The following PIEZO2 variants were observed in gnomAD, a reference collection of about 807,000 sequenced individuals.
The protein encoded by PIEZO2 is piezo type mechanosensitive ion channel component 2.
A neutral mutation model predicts 337.3 loss-of-function variants in PIEZO2; 172 were observed. That is an observed-to-expected ratio of 0.51 (90% CI 0.45 to 0.58). PIEZO2 has a LOEUF of 0.58. Ranked by LOEUF, PIEZO2 falls within the 20% of genes least tolerant of loss-of-function variation. The pLI is 0.00. For missense variants in PIEZO2, 3,028 were observed against 3,391.3 expected (o/e 0.89, Z 2.66); for synonymous variants, 1,251 against 1,228.5 (o/e 1.02, Z -0.38).
chr18:11,110,838 G>T lies in PIEZO2; in HGVS notation c.64+37687C>A, dbSNP rs774088556. On this transcript the variant is annotated intron_variant, in intron 1 of 55. Transcript: ENST00000674853. The surrounding 1 kb of genome is among the most constrained non-coding windows in gnomAD (Gnocchi z 4.2). Reference sequence around the variant, plus strand: ...CACAGTGTTTTAAACTTGAAGTATAGGATCAGGCTGGATTGTCTGTGGTCC... The same window carrying T: ...CACAGTGTTTTAAACTTGAAGTATATGATCAGGCTGGATTGTCTGTGGTCC... Among the ~76,000 whole-genome samples the T allele has an allele frequency of 1.3e-5, 2 of 152,088 alleles. No homozygotes were observed. The highest frequency in any genetic ancestry group is 1.9e-4 in the East Asian group (1 of 5,180).
chr18:10,891,160 T>C (rs1289131580), intron 4 of PIEZO2, among the ~76,000 whole-genome samples: 2 of 151,954 alleles, frequency 1.3e-5, no homozygotes, highest in Non-Finnish European at 2.9e-5. Context: ...CCTGTCTCTA[T>C]TAAAAATACA....
At chr18:10,874,788 G>C (rs76570156) in intron 4 of PIEZO2, among the ~76,000 whole-genome samples, 3,173 of 152,202 alleles carry the variant, frequency 0.021, 108 homozygotes, top group African/African-American at 0.072. Context: ...AGAATACAGA[G>C]AGGTGGTAAC....
Position 10,850,234 on chromosome 18 carries a change from G to C in PIEZO2, c.917+5119C>G, listed in dbSNP as rs144966027. 6.6e-6 allele frequency among the ~76,000 whole-genome samples: 1 copy of C among 152,302 alleles called. No homozygotes were observed. The highest frequency in any genetic ancestry group is 1.5e-5 in the Non-Finnish European group (1 of 68,038). ...CAGATGAAACTGGAAGGAAGCACGT[G>C]ATTTTTTGGGACCATGGGGTGAAAA... On this transcript the variant is annotated intron_variant, in intron 7 of 55. Transcript: ENST00000674853. This position sits in a 1 kb window ranked among gnomAD's most constrained non-coding sequence, Gnocchi z 4.5.
In PIEZO2 at chr18:10,903,105, C is replaced by G. The variant is rs1287315657; in HGVS notation, c.329+8081G>C. 6.6e-6 allele frequency among the ~76,000 whole-genome samples: 1 copy of G among 152,110 alleles called. No homozygotes were observed. The highest frequency in any genetic ancestry group is 1.5e-5 in the Non-Finnish European group (1 of 68,012). On this transcript the variant is annotated intron_variant, in intron 4 of 55. Transcript: ENST00000674853. This position sits in a 1 kb window ranked among gnomAD's most constrained non-coding sequence, Gnocchi z 4.1. ...GTACTCATTCCAGAATCCTTCCTCC[C>G]CTACACGCTGACAGTCAATTATTCA... is the stretch of plus-strand genomic sequence containing the variant.
In PIEZO2 at chr18:10,748,269, G is replaced by A. The variant is rs1366988063; in HGVS notation, c.4424+202C>T. Reference sequence around the variant, plus strand: ...CTTCCATGGCACCCCCATTCCTTGAGAAGTCTGATGGTTACATAGGCTTTC... The same window carrying A: ...CTTCCATGGCACCCCCATTCCTTGAAAAGTCTGATGGTTACATAGGCTTTC... On this transcript the variant is annotated intron_variant, in intron 30 of 55. Coordinates refer to ENST00000674853, the MANE Select transcript of PIEZO2 (RefSeq NM_001378183.1). This position sits in a 1 kb window ranked among gnomAD's most constrained non-coding sequence, Gnocchi z 5.1. Among the ~76,000 whole-genome samples the A allele has an allele frequency of 6.6e-6, 1 of 152,158 alleles. No homozygotes were observed. Among genetic ancestry groups the A allele is most frequent in the African/African-American group, 2.4e-5 (1 of 41,444 alleles).
Position 10,862,983 on chromosome 18 carries a change from C to A in PIEZO2, c.493-5772G>T, listed in dbSNP as rs2041915490. On this transcript the variant is annotated intron_variant, in intron 5 of 55. Transcript: ENST00000674853. This position sits in a 1 kb window ranked among gnomAD's most constrained non-coding sequence, Gnocchi z 4.4. Reference sequence around the variant, plus strand: ...GGACCTCAGAGCAGAGCTTTTCATGCAGCTGAATCCATTTTTTTCTCTTCT... The same window carrying A: ...GGACCTCAGAGCAGAGCTTTTCATGAAGCTGAATCCATTTTTTTCTCTTCT... 6.6e-6 allele frequency among the ~76,000 whole-genome samples: 1 copy of A among 152,160 alleles called. No homozygotes were observed. The highest frequency in any genetic ancestry group is 2.1e-4 in the South Asian group (1 of 4,828).
chr18:11,081,860 A>C (rs2038753453), intron 1 of PIEZO2, among the ~76,000 whole-genome samples: 1 of 151,712 alleles, frequency 6.6e-6, no homozygotes, highest in Non-Finnish European at 1.5e-5. Flanking sequence ...CCTAGGTTTA[A>C]GCGATTCTCC....
intron 40 of PIEZO2, among the ~76,000 whole-genome samples, chr18:10,706,708 G>A (rs1446926989): frequency 6.6e-6 from 1 of 152,168 alleles, no homozygotes; most frequent in Non-Finnish European, 1.5e-5. Flanking sequence ...GTTGGCCAAT[G>A]ACAAGAGGGC....
chr18:10,796,744 G>T (rs1842366769), intron 12 of PIEZO2, among the ~76,000 whole-genome samples: 1 of 152,308 alleles, frequency 6.6e-6, no homozygotes, highest in South Asian at 2.1e-4. Context: ...GCAGCACTTA[G>T]AGCCAGTGGG....
At chr18:10,807,361 T>G in intron 7 of PIEZO2, 87 bp from the exon 8 acceptor site, 1 of 1,233,330 alleles carries the variant, frequency 8.1e-7, no homozygotes, top group Non-Finnish European at 1.1e-6. Context: ...TTTTGATACA[T>G]TCGTGAGCTA....
In PIEZO2 at chr18:10,766,097, C is replaced by T. The variant is rs956135518; in HGVS notation, c.2947-2999G>A. On this transcript the variant is annotated intron_variant, in intron 21 of 55. Transcript: ENST00000674853. This position sits in a 1 kb window ranked among gnomAD's most constrained non-coding sequence, Gnocchi z 6.1. ...ATGAAGTATGATACTTCATTCCATA[C>T]AAATATCAAGCCCAGTGCAAACCTC... 5.9e-5 allele frequency among the ~76,000 whole-genome samples: 9 copies of T among 152,040 alleles called. No individual in the cohort carries two copies. Among genetic ancestry groups the T allele is most frequent in the Non-Finnish European group, 1.5e-5 (1 of 68,018 alleles).
rs754310479 is a variant in PIEZO2 at position 11,032,819 on chromosome 18, C to T, written c.160+33308G>A. 6.6e-6 allele frequency among the ~76,000 whole-genome samples: 1 copy of T among 152,186 alleles called. No homozygotes were observed. Among genetic ancestry groups the T allele is most frequent in the Non-Finnish European group, 1.5e-5 (1 of 68,018 alleles). On this transcript the variant is annotated intron_variant, in intron 2 of 55. Transcript: ENST00000674853. The surrounding 1 kb of genome is among the most constrained non-coding windows in gnomAD (Gnocchi z 4.9). ...TTTTGAAGTCAGATCGATAAGAACT[C>T]TTTTGGACCTCGCCTGTTTAAGTAG...
In PIEZO2 at chr18:10,775,391, A is replaced by T. The variant is rs193181159; in HGVS notation, c.2535-1353T>A. On this transcript the variant is annotated intron_variant, in intron 18 of 55. Transcript: ENST00000674853. The surrounding 1 kb of genome is among the most constrained non-coding windows in gnomAD (Gnocchi z 4.3). ...GATCGGCTGCTGCACAGTCGTCAGT[A>T]TGTATTTGTTCTCTTCAGGGATGCA... Among the ~76,000 whole-genome samples, 1 of 152,300 alleles carries T rather than the reference A, an allele frequency of 6.6e-6. No individual in the cohort carries two copies. Among genetic ancestry groups the T allele is most frequent in the African/African-American group, 2.4e-5 (1 of 41,560 alleles).
intron 1 of PIEZO2, among the ~76,000 whole-genome samples, chr18:11,119,046 G>A (rs1003822271): frequency 2.0e-5 from 3 of 152,032 alleles, no homozygotes; most frequent in African/African-American, 7.3e-5. Flanking sequence ...AGGAAAATAA[G>A]AGAGTTGAAT....
chr18:10,806,082 AT>A lies in PIEZO2; in HGVS notation c.1080+1029del, dbSNP rs1461540012. Among the ~76,000 whole-genome samples the A allele has an allele frequency of 3.3e-5, 5 of 152,284 alleles. No individual in the cohort carries two copies. The East Asian group carries it at 9.6e-4, about 29-fold the overall frequency. ...TCCAGTTGGCCTTCCATAAATACTCATTGACTGGCTGACTGATGAACATGTG... is the reference window on the plus strand; with the variant it reads ...TCCAGTTGGCCTTCCATAAATACTCATGACTGGCTGACTGATGAACATGTG... On this transcript the variant is annotated intron_variant, in intron 8 of 55. Transcript: ENST00000674853.
intron 39 of PIEZO2, among the ~76,000 whole-genome samples, chr18:10,709,857 A>T (rs778587062): frequency 2.0e-5 from 3 of 152,284 alleles, no homozygotes; most frequent in Non-Finnish European, 4.4e-5. Context: ...TAATAAGGAC[A>T]TTGAGGCTGT....
chr18:10,702,005 T>C lies in PIEZO2; in HGVS notation c.6425A>G (p.His2142Arg). ...DLIQLLALFF[H>R]RSILKCHGLW... ...ATGCAGTACCTTCAAAATTGATCGA[T>C]GAAAGAACAGAGCCAGGAGCTGGAT... is the stretch of plus-strand genomic sequence containing the variant. The change falls in exon 43 of 56, where the codon CAT (histidine) becomes CGT (arginine). Residue 2142 changes from histidine (H) to arginine (R), a missense_variant. His to Arg is a conservative substitution (Grantham distance 29). This residue lies in a region of PIEZO2 where 1,925 missense variants were observed against 2,051.9 expected (regional missense o/e 0.94). Coordinates refer to ENST00000674853, the MANE Select transcript of PIEZO2 (RefSeq NM_001378183.1). 1.3e-6 allele frequency: 2 copies of C among 1,527,308 alleles called. No individual in the cohort carries two copies. Among genetic ancestry groups the C allele is most frequent in the Admixed American group, 2.1e-5 (1 of 47,410 alleles). The allele number at this position is 1,527,308 out of a possible 1,614,324, so 94.6% of individuals were successfully genotyped here.
chr18:10,828,935 T>C lies in PIEZO2; in HGVS notation c.918-21661A>G, dbSNP rs73394706. Among the ~76,000 whole-genome samples the C allele has an allele frequency of 0.029, 4,480 of 152,262 alleles. 140 individuals carry two copies. The highest frequency in any genetic ancestry group is 0.084 in the African/African-American group (3,476 of 41,532). On this transcript the variant is annotated intron_variant, in intron 7 of 55. Transcript: ENST00000674853. The surrounding 1 kb of genome is among the most constrained non-coding windows in gnomAD (Gnocchi z 4.1). ...GCTGCTGCTTCCTCCAGGAAGCCTT[T>C]CCTCAGCATGTCATGTCTTCATTGG...
intron 30 of PIEZO2, among the ~76,000 whole-genome samples, chr18:10,744,752 T>TC (rs1375600423): frequency 3.9e-5 from 6 of 152,184 alleles, no homozygotes; most frequent in African/African-American, 1.4e-4. Flanking sequence ...GTCCTTCCAC[T>TC]CCCTTCTGTT....
Sources: gnomAD v4.1 joint callset for allele counts (sites outside exome capture counted in the v4.1 genomes callset) on GRCh38, gnomAD v4.1.1 for gene constraint, gnomAD v4.1.1 regional missense constraint, Gnocchi (gnomAD v3.1) non-coding constraint, MANE v1.5 for transcripts, NCBI Gene and HGNC (gene_info 2026-07-23, HGNC 2026-07-21) for gene names.